Variants in GABBR2 observed in about 807,000 individuals in gnomAD.
The protein encoded by GABBR2 is G-protein coupled receptor 51.
In GABBR2, 23 loss-of-function variants were observed where a neutral mutation model predicts 105.6. That is an observed-to-expected ratio of 0.22 (90% CI 0.16 to 0.31). The LOEUF is 0.31. GABBR2 is among the 10% of genes least tolerant of loss of function. The pLI is 1.00. For synonymous variants in GABBR2, 478 were observed against 499.7 expected, an observed-to-expected ratio of 0.96 and a Z score of 0.58; for missense variants, 734 against 1,245.5, an observed-to-expected ratio of 0.59 and a Z score of 6.18.
chr9:98,668,604 C>T (rs1336143373), intron 1 of GABBR2, among the ~76,000 whole-genome samples: 1 of 152,024 alleles, frequency 6.6e-6, no homozygotes, highest in Non-Finnish European at 1.5e-5. Flanking sequence ...ACCACCACCA[C>T]CACCATCCAT....
chr9:98,700,518 C>T (rs571274741), intron 1 of GABBR2, among the ~76,000 whole-genome samples: 9 of 152,126 alleles, frequency 5.9e-5, no homozygotes, highest in African/African-American at 2.2e-4. Context: ...TCCTTCCTTC[C>T]CCGTCTCCTT....
chr9:98,358,860 G>A (rs1446085169), intron 13 of GABBR2, among the ~76,000 whole-genome samples: 1 of 152,126 alleles, frequency 6.6e-6, no homozygotes, highest in Admixed American at 6.5e-5. Context: ...TCCATCCCCT[G>A]CCTCAGGGAC....
intron 11 of GABBR2, 114 bp from the exon 12 acceptor site, chr9:98,371,685 G>T: frequency 3.1e-6 from 2 of 639,236 alleles, no homozygotes; most frequent in South Asian, 3.6e-5. Context: ...ACTCCCCTCT[G>T]CATATAGTTG....
At chr9:98,554,647 CATTT>C (rs1383635273) in intron 2 of GABBR2, among the ~76,000 whole-genome samples, 1 of 152,046 alleles carries the variant, frequency 6.6e-6, no homozygotes. Context: ...TAAGAGACAG[CATTT>C]ATTTATTATG....
intron 2 of GABBR2, among the ~76,000 whole-genome samples, chr9:98,546,533 A>C (rs1317738274): frequency 6.6e-6 from 1 of 152,236 alleles, no homozygotes. Flanking sequence ...AGATAAAATA[A>C]ACCTGTTTGT....
At chr9:98,598,302 C>T (rs10986929) in intron 1 of GABBR2, among the ~76,000 whole-genome samples, 2,417 of 152,234 alleles carry the variant, frequency 0.016, 20 homozygotes, top group Non-Finnish European at 0.026. Flanking sequence ...TTCCACAGTT[C>T]AGGAAGTGCA....
intron 7 of GABBR2, among the ~76,000 whole-genome samples, chr9:98,451,643 T>A (rs1331692084): frequency 1.3e-5 from 2 of 150,338 alleles, no homozygotes; most frequent in East Asian, 3.9e-4. Flanking sequence ...AATGGGCCCA[T>A]GTGGGGCCTG....
At chr9:98,469,854 C>G (rs927091147) in intron 6 of GABBR2, among the ~76,000 whole-genome samples, 1 of 152,190 alleles carries the variant, frequency 6.6e-6, no homozygotes, top group South Asian at 2.1e-4. Context: ...TGCTTGTTTT[C>G]ATGGACATCG....
intron 1 of GABBR2, among the ~76,000 whole-genome samples, chr9:98,677,725 G>A (rs890352119): frequency 1.3e-5 from 2 of 151,866 alleles, no homozygotes; most frequent in African/African-American, 2.4e-5. Context: ...CCAGTCCTAC[G>A]GGCCCTCTTA....
chr9:98,486,931 A>AC (rs955354684), intron 4 of GABBR2, among the ~76,000 whole-genome samples: 1 of 150,650 alleles, frequency 6.6e-6, no homozygotes, highest in Admixed American at 6.6e-5. Flanking sequence ...CTTAGACCCC[A>AC]CCCCCCACTG....
intron 8 of GABBR2, among the ~76,000 whole-genome samples, chr9:98,400,048 G>A (rs949967765): frequency 2.6e-5 from 4 of 150,968 alleles, no homozygotes; most frequent in Non-Finnish European, 5.9e-5. Flanking sequence ...AGCCAGGCAT[G>A]GTGGTGCACG....
intron 1 of GABBR2, among the ~76,000 whole-genome samples, chr9:98,671,500 T>C (rs921617777): frequency 6.6e-6 from 1 of 152,222 alleles, no homozygotes. Context: ...CTTTCATTTC[T>C]CTTGGATACA....
chr9:98,564,855 G>A (rs530740657), intron 2 of GABBR2, among the ~76,000 whole-genome samples: 1 of 152,276 alleles, frequency 6.6e-6, no homozygotes, highest in South Asian at 2.1e-4. Flanking sequence ...AGGAAGTGAG[G>A]AAAACGCTGG....
intron 2 of GABBR2, among the ~76,000 whole-genome samples, chr9:98,562,703 T>C (rs1588229656): frequency 6.6e-6 from 1 of 152,186 alleles, no homozygotes; most frequent in Admixed American, 6.5e-5. Context: ...CTTTAACTTC[T>C]TGTTGCAGGT....
At chr9:98,345,823 C>T (rs1374910367) in intron 13 of GABBR2, among the ~76,000 whole-genome samples, 1 of 152,186 alleles carries the variant, frequency 6.6e-6, no homozygotes, top group Non-Finnish European at 1.5e-5. Context: ...AAAGATACTG[C>T]AGGTTAGATT....
intron 3 of GABBR2, among the ~76,000 whole-genome samples, chr9:98,536,204 T>C (rs983939992): frequency 2.0e-5 from 3 of 152,170 alleles, no homozygotes; most frequent in African/African-American, 7.2e-5. Context: ...CTCATGACCA[T>C]GTCCCTGGGA....
chr9:98,617,524 C>T (rs1019357589), intron 1 of GABBR2, among the ~76,000 whole-genome samples: 19 of 152,090 alleles, frequency 1.2e-4, no homozygotes, highest in Admixed American at 2.6e-4. Flanking sequence ...TGAAAGCATA[C>T]GCATTAGAGA....
At chr9:98,345,411 G>A (rs141285058) in intron 13 of GABBR2, among the ~76,000 whole-genome samples, 11 of 152,158 alleles carry the variant, frequency 7.2e-5, no homozygotes, top group Non-Finnish European at 1.6e-4. Flanking sequence ...TTTCCTCAAA[G>A]GCATCCTCAG....
intron 7 of GABBR2, among the ~76,000 whole-genome samples, chr9:98,453,130 G>T (rs111661698): frequency 0.013 from 1,963 of 152,284 alleles, 42 homozygotes; most frequent in African/African-American, 0.045. Flanking sequence ...GGGTTCAAGC[G>T]ATTCTCCTGC....
Sources: gnomAD v4.1 joint callset for allele counts (sites outside exome capture counted in the v4.1 genomes callset) on GRCh38, gnomAD v4.1.1 for gene constraint, MANE v1.5 for transcripts, NCBI Gene and HGNC (gene_info 2026-07-23, HGNC 2026-07-21) for gene names.